Variants in ZNF335 observed in about 807,000 individuals in gnomAD.
ZNF335 encodes the protein NRC-interacting factor 1.
In ZNF335, 84 loss-of-function variants were observed where a neutral mutation model predicts 145.6. The ratio of observed to expected loss-of-function variants is 0.58; its 90% confidence interval spans 0.48 to 0.69. The LOEUF is 0.69. ZNF335 is among the 30% of genes least tolerant of loss of function. The pLI is 0.00. For missense variants in ZNF335, 1,865 were observed against 1,809.7 expected (o/e 1.03, Z -0.55); for synonymous variants, 761 against 717.0 (o/e 1.06, Z -0.98).
At position 45,969,600 on chromosome 20, in the gene ZNF335, C is replaced by T. The variant is rs34015709; in HGVS notation, c.293G>A (p.Gly98Glu). 2.9e-4 allele frequency: 471 copies of T among 1,608,412 alleles called. No homozygotes were observed. The highest frequency in any genetic ancestry group is 8.3e-4 in the Middle Eastern group (5 of 6,046). The change falls in exon 3 of 28, where the codon GGG (glycine) becomes GAG (glutamate). Residue 98 changes from glycine to glutamate, a missense_variant. Gly to Glu is a moderately conservative substitution (Grantham distance 98, BLOSUM62 -2). Coordinates refer to ENST00000322927, the MANE Select transcript of ZNF335 (RefSeq NM_022095.4). ...SSSVSHGPVA[G>E]VTGGPPALVH... The stretch of plus-strand genomic sequence containing the variant: ...AAGTGCTGGGGGACCGCCTGTCACC[C>T]CTGCCACTGGCCCATGAGACACAGA...
At chr20:45,966,332 C>A (rs771003329) in intron 6 of ZNF335, among the ~76,000 whole-genome samples, 17 of 151,940 alleles carry the variant, frequency 1.1e-4, no homozygotes, top group Non-Finnish European at 2.4e-4. Flanking sequence ...TCTGCCTCAG[C>A]CTCCCAAAGT....
Position 45,952,242 on chromosome 20 carries a change from C to T in ZNF335, c.3094G>A (p.Ala1032Thr). 3 of 1,613,324 alleles carry T rather than the reference C, an allele frequency of 1.9e-6. No individual in the cohort carries two copies. The highest frequency in any genetic ancestry group is 2.5e-6 in the Non-Finnish European group (3 of 1,180,020). Residue 1032 changes from alanine to threonine, a missense_variant, in exon 20 of 28, where the codon GCT (alanine) becomes ACT (threonine). Ala to Thr is a moderately conservative substitution (Grantham distance 58). Coordinates refer to ENST00000322927, the MANE Select transcript of ZNF335 (RefSeq NM_022095.4). ...GCCCGCTTGTGACTCTCCATCTCAG[C>T]TCGGCCAGGGAAGGCCTCGGCACAG... ...KICAEAFPGRAEMESHKRAHA... is the reference protein window; with the variant it reads ...KICAEAFPGRTEMESHKRAHA...
At chr20:45,959,550 C>T (rs1169489888) in intron 14 of ZNF335, 117 bp from the exon 15 acceptor site, 26 of 732,812 alleles carry the variant, frequency 3.5e-5, no homozygotes, top group Non-Finnish European at 4.2e-5. Flanking sequence ...GATTCATTCC[C>T]GTATGTAGGC....
Position 45,972,168 on chromosome 20 carries a change from G to A in ZNF335, c.-97C>T, listed in dbSNP as rs1434569257. 26 of 1,289,364 alleles carry A rather than the reference G, an allele frequency of 2.0e-5. No homozygotes were observed. The highest frequency in any genetic ancestry group is 2.6e-5 in the Non-Finnish European group (26 of 988,708). The allele number at this position is 1,289,364 out of a possible 1,614,324, so 79.9% of individuals were successfully genotyped here. On this transcript the variant is annotated 5_prime_UTR_variant, in exon 1 of 28. Coordinates refer to ENST00000322927, the MANE Select transcript of ZNF335 (RefSeq NM_022095.4). ...TCCTCTCTGACTCCGGCATCGACGA[G>A]GTCGCCATCCTCTTTCCTCCGCTGC...
In ZNF335 at chr20:45,948,780, G is replaced by A. The variant is rs1457215794; in HGVS notation, c.*173C>T. ...TGGGGCACCCAGCATGTCCTGGCTG[G>A]GGCCCATGGCTGCCCCTAACCCCAA... On this transcript the variant is annotated 3_prime_UTR_variant, in exon 28 of 28. Coordinates refer to ENST00000322927, the MANE Select transcript of ZNF335 (RefSeq NM_022095.4). 9.9e-7 allele frequency: 1 copy of A among 1,010,702 alleles called. No individual in the cohort carries two copies. Among genetic ancestry groups the A allele is most frequent in the East Asian group, 2.5e-5 (1 of 40,284 alleles). The allele number at this position is 1,010,702 out of a possible 1,614,324, so 62.6% of individuals were successfully genotyped here. A position where few individuals can be genotyped will look rare whatever the true frequency, so the allele number is the denominator to read the frequency against.
At position 45,950,081 on chromosome 20, in the gene ZNF335, G is replaced by C; in HGVS notation, c.3488-12C>G. The C allele has an allele frequency of 6.2e-7, 1 of 1,613,008 alleles. No homozygotes were observed. The highest frequency in any genetic ancestry group is 1.1e-5 in the South Asian group (1 of 90,938). On this transcript the variant is annotated splice_polypyrimidine_tract_variant and intron_variant, in intron 22 of 27. Transcript: ENST00000322927. ...GGACTGGAGTGCAGCTGGGCAGAGA[G>C]GAGAGGATGCTCACCTGGGGTCCAG...
At chr20:45,949,753 G>T (rs749657631) in intron 24 of ZNF335, 47 bp downstream of exon 24, 1 of 1,604,336 alleles carries the variant, frequency 6.2e-7, no homozygotes, top group African/African-American at 1.3e-5. Flanking sequence ...GTCTTTGGGA[G>T]GGTAGGAGGT....
intron 17 of ZNF335, among the ~76,000 whole-genome samples, chr20:45,954,338 G>T (rs539504341): frequency 6.6e-5 from 10 of 152,098 alleles, no homozygotes; most frequent in Non-Finnish European, 1.5e-4. Context: ...TGCTAACAGC[G>T]CTGCAGACAA....
At chr20:45,953,537 G>T in intron 18 of ZNF335, 152 bp downstream of exon 18, 3 of 1,020,950 alleles carry the variant, frequency 2.9e-6, no homozygotes, top group Non-Finnish European at 4.2e-6. Flanking sequence ...GGTAGCTCTT[G>T]ACCTCCTGAG....
At chr20:45,971,560 C>T (rs1215461074) in intron 1 of ZNF335, 100 bp from the exon 2 acceptor site, 11 of 1,458,906 alleles carry the variant, frequency 7.5e-6, no homozygotes, top group Non-Finnish European at 9.9e-6. Flanking sequence ...TTTGCAGATG[C>T]GAAGATTGAG....
Position 45,972,182 on chromosome 20 carries a change from T to G in ZNF335, c.-111A>C. The G allele has an allele frequency of 7.8e-7, 1 of 1,289,170 alleles. No individual in the cohort carries two copies. The allele number at this position is 1,289,170 out of a possible 1,614,324, so 79.9% of individuals were successfully genotyped here. A position where few individuals can be genotyped will look rare whatever the true frequency, so the allele number is the denominator to read the frequency against. ...GGCATCGACGAGGTCGCCATCCTCT[T>G]TCCTCCGCTGCGGAGGAACCCATCG... On this transcript the variant is annotated 5_prime_UTR_variant, in exon 1 of 28. Coordinates refer to ENST00000322927, the MANE Select transcript of ZNF335 (RefSeq NM_022095.4).
chr20:45,954,563 G>A (rs1192490451), intron 17 of ZNF335, among the ~76,000 whole-genome samples: 3 of 151,992 alleles, frequency 2.0e-5, no homozygotes, highest in Non-Finnish European at 4.4e-5. Flanking sequence ...ATAAAATGAA[G>A]CCAAAAAACA....
At position 45,968,332 on chromosome 20, in the gene ZNF335, C is replaced by A. The variant is rs752399966; in HGVS notation, c.473G>T (p.Gly158Val). 2 of 1,613,252 alleles carry A rather than the reference C, an allele frequency of 1.2e-6. No individual in the cohort carries two copies. Among genetic ancestry groups the A allele is most frequent in the African/African-American group, 2.7e-5 (2 of 74,878 alleles). The change falls in exon 4 of 28, where the codon GGC (glycine) becomes GTC (valine). Residue 158 changes from glycine (G) to valine (V), a missense_variant. Transcript: ENST00000322927. Reference protein sequence around the residue: ...NCITVTSAEDGGAETTRYLIL... With the variant: ...NCITVTSAEDVGAETTRYLIL... ...CAGGTACCGTGTGGTCTCGGCCCCG[C>A]CATCCTCAGCACTGGTCACAGTGAT...
rs1261189737 is a variant in ZNF335, at chr20:45,962,115, T to C, written c.1601A>G (p.Tyr534Cys). The C allele has an allele frequency of 1.3e-6, 2 of 1,556,628 alleles. No individual in the cohort carries two copies. Among genetic ancestry groups the C allele is most frequent in the Admixed American group, 1.7e-5 (1 of 57,944 alleles). Residue 534 changes from tyrosine to cysteine, a missense_variant, in exon 10 of 28, where the codon TAC (tyrosine) becomes TGC (cysteine). Tyr to Cys is a radical substitution (Grantham distance 194, BLOSUM62 -2). Transcript: ENST00000322927. ...KCDECSYTSVYRKDVIRHAAV... is the reference protein window; with the variant it reads ...KCDECSYTSVCRKDVIRHAAV... ...GGCGTGCCGAATGACGTCCTTCCGG[T>C]AGACACTGGTGTAGCTGCACTCGTC...
chr20:45,967,275 C>G (rs2083972854), intron 6 of ZNF335: 1 of 631,820 alleles, frequency 1.6e-6, no homozygotes, highest in South Asian at 2.0e-5. Context: ...TTCTGTGGGG[C>G]AAATGTGAAC....
chr20:45,961,101 A>G (rs936107442), intron 10 of ZNF335, among the ~76,000 whole-genome samples: 3 of 152,230 alleles, frequency 2.0e-5, no homozygotes, highest in South Asian at 4.1e-4. Context: ...GAAATGGTAC[A>G]TTCTTTCTGT....
intron 20 of ZNF335, 125 bp downstream of exon 20, chr20:45,952,022 G>A: frequency 7.3e-7 from 1 of 1,373,862 alleles, no homozygotes; most frequent in Non-Finnish European, 9.6e-7. Flanking sequence ...AGTCATCTCT[G>A]ACCCATCTCA....
chr20:45,959,964 T>C (rs1281683137), intron 14 of ZNF335, among the ~76,000 whole-genome samples: 1 of 152,236 alleles, frequency 6.6e-6, no homozygotes. Flanking sequence ...TTCATAAATA[T>C]GGAAGGCTCG....
intron 20 of ZNF335, among the ~76,000 whole-genome samples, chr20:45,950,814 A>G (rs567125697): frequency 9.2e-5 from 14 of 152,362 alleles, no homozygotes; most frequent in Non-Finnish European, 2.1e-4. Flanking sequence ...CATCATTATT[A>G]GGTAAATTGG....
Sources: allele counts gnomAD v4.1 joint callset (sites outside exome capture counted in the v4.1 genomes callset), GRCh38; gene constraint gnomAD v4.1.1; transcripts MANE v1.5; gene names NCBI Gene and HGNC (gene_info 2026-07-23, HGNC 2026-07-21).